The following CDH22 variants were observed in gnomAD, a reference collection of about 807,000 sequenced individuals.
The protein encoded by CDH22 is cadherin 22, also known as cadherin-22.
Under a neutral mutation model 58.4 loss-of-function variants are expected in CDH22, and 30 were observed. The ratio of observed to expected loss-of-function variants is 0.51; its 90% CI spans 0.38 to 0.70. CDH22 has a LOEUF of 0.70. Among genes scored for constraint, CDH22 ranks in the 30% least tolerant of loss-of-function variants. The pLI is 0.00. For synonymous variants in CDH22, 513 were observed against 558.2 expected (o/e 0.92, Z 1.14); for missense variants, 1,014 against 1,233.9 (o/e 0.82, Z 2.67).
In CDH22 at chr20:46,174,824, C is replaced by T. The variant is rs1170127549; in HGVS notation, c.2169G>A (p.Gln723=). The change falls in exon 12 of 12, where the codon CAG becomes CAA. Residue 723 remains glutamine, a synonymous_variant. Transcript: ENST00000537909. The surrounding 1 kb of genome is among the most constrained non-coding windows in gnomAD (Gnocchi z 4.4). ...GSGGGAGSPP[Q]AHLPSERHSL... is the part of the protein sequence containing the mutation. Reference sequence around the variant, plus strand: ...AGTGGCGCTCGGAGGGCAGGTGGGCCTGCGGGGGGCTGCCCGCGCCCCCGC... The same window carrying T: ...AGTGGCGCTCGGAGGGCAGGTGGGCTTGCGGGGGGCTGCCCGCGCCCCCGC... The T allele has an allele frequency of 7.0e-7, 1 of 1,430,588 alleles. No homozygotes were observed. Among genetic ancestry groups the T allele is most frequent in the Non-Finnish European group, 9.1e-7 (1 of 1,093,570 alleles). The allele number at this position is 1,430,588 out of a possible 1,614,324, so 88.6% of individuals were successfully genotyped here. A position where few individuals can be genotyped will look rare whatever the true frequency, so the allele number is the denominator to read the frequency against.
At chr20:46,186,031 G>A (rs140895120) in intron 10 of CDH22, among the ~76,000 whole-genome samples, 289 of 151,908 alleles carry the variant, frequency 1.9e-3, no homozygotes, top group African/African-American at 6.6e-3. Context: ...TGGGCAATAC[G>A]GCAAAAATCC....
chr20:46,190,307 G>A (rs539814843), intron 8 of CDH22, among the ~76,000 whole-genome samples: 18 of 152,376 alleles, frequency 1.2e-4, no homozygotes, highest in African/African-American at 3.8e-4. Flanking sequence ...AGGGGCAGGA[G>A]TTTCCCCACA....
intron 8 of CDH22, among the ~76,000 whole-genome samples, chr20:46,188,053 G>A (rs2085839272): frequency 6.6e-6 from 1 of 152,170 alleles, no homozygotes; most frequent in Non-Finnish European, 1.5e-5. Context: ...CATGGTCCCT[G>A]TCTTATTTAT....
At chr20:46,198,090 G>A (rs2085921255) in intron 8 of CDH22, among the ~76,000 whole-genome samples, 1 of 152,122 alleles carries the variant, frequency 6.6e-6, no homozygotes, top group African/African-American at 2.4e-5. Flanking sequence ...ATGGGGTAGA[G>A]AAGCTGGGAA....
intron 1 of CDH22, among the ~76,000 whole-genome samples, chr20:46,288,962 T>C (rs991604592): frequency 2.0e-5 from 3 of 152,310 alleles, no homozygotes; most frequent in South Asian, 2.1e-4. Flanking sequence ...TAACACTCCT[T>C]CTCTCAAAAT....
chr20:46,233,127 GA>G (rs1349522001), intron 3 of CDH22, among the ~76,000 whole-genome samples: 1 of 152,208 alleles, frequency 6.6e-6, no homozygotes, highest in East Asian at 1.9e-4. Context: ...GGAGCAGGAA[GA>G]GGGGGCAGAG....
Position 46,248,383 on chromosome 20 carries a change from G to A in CDH22, c.255+2657C>T, listed in dbSNP as rs1242169866. ...AGTGCCTGGGATGACCACCTCCTCT[G>A]ACATTTAGGCAGATGCATCAGTCCT... is the stretch of plus-strand genomic sequence containing the variant. On this transcript the variant is annotated intron_variant, in intron 2 of 11. Transcript: ENST00000537909. Among the ~76,000 whole-genome samples the A allele has an allele frequency of 2.0e-5, 3 of 152,204 alleles. No homozygotes were observed. In the East Asian group the frequency reaches 5.8e-4, roughly 29 times the overall value.
intron 1 of CDH22, among the ~76,000 whole-genome samples, chr20:46,281,980 T>C (rs997926080): frequency 3.3e-5 from 5 of 152,254 alleles, no homozygotes; most frequent in Non-Finnish European, 7.3e-5. Flanking sequence ...GGAATGAAAG[T>C]ATCTTACCGA....
At chr20:46,223,061 G>A (rs1300778820) in intron 4 of CDH22, among the ~76,000 whole-genome samples, 2 of 152,230 alleles carry the variant, frequency 1.3e-5, no homozygotes, top group African/African-American at 2.4e-5. Flanking sequence ...TTCCTGGGAC[G>A]TGCCAGAAAG....
chr20:46,307,310 C>G (rs1368966020), intron 1 of CDH22, among the ~76,000 whole-genome samples: 4 of 152,196 alleles, frequency 2.6e-5, no homozygotes, highest in African/African-American at 9.6e-5. Context: ...GGACAGGGCC[C>G]GACGTTGCCA....
chr20:46,276,449 T>G (rs564482322), intron 1 of CDH22, among the ~76,000 whole-genome samples: 12 of 152,254 alleles, frequency 7.9e-5, no homozygotes, highest in African/African-American at 2.9e-4. Flanking sequence ...GGCGATTGAT[T>G]GGATGTAGGT....
intron 1 of CDH22, among the ~76,000 whole-genome samples, chr20:46,288,666 G>C (rs1426278493): frequency 6.6e-6 from 1 of 152,140 alleles, no homozygotes; most frequent in Non-Finnish European, 1.5e-5. Context: ...GCATTCCCCA[G>C]TTCGGTAACT....
At chr20:46,195,952 T>C (rs1025673707) in intron 8 of CDH22, among the ~76,000 whole-genome samples, 3 of 152,180 alleles carry the variant, frequency 2.0e-5, no homozygotes, top group Non-Finnish European at 4.4e-5. Context: ...TCTTGTCACC[T>C]CATGTTTATT....
At chr20:46,248,972 A>C (rs1258463090) in intron 2 of CDH22, among the ~76,000 whole-genome samples, 1 of 152,220 alleles carries the variant, frequency 6.6e-6, no homozygotes, top group East Asian at 1.9e-4. Context: ...CTTGCAGTTT[A>C]AGGGTTAAGT....
At chr20:46,204,368 G>T (rs2085982958) in intron 7 of CDH22, among the ~76,000 whole-genome samples, 1 of 147,098 alleles carries the variant, frequency 6.8e-6, no homozygotes, top group Non-Finnish European at 1.5e-5. Context: ...CACTCTGGCT[G>T]GGGAGATAGT....
At chr20:46,292,521 C>T (rs780957143) in intron 1 of CDH22, among the ~76,000 whole-genome samples, 26 of 152,302 alleles carry the variant, frequency 1.7e-4, no homozygotes, top group African/African-American at 4.1e-4. Flanking sequence ...GAATCGCAAA[C>T]GCCCAACTAA....
At chr20:46,188,357 T>C (rs2145656757) in intron 8 of CDH22, among the ~76,000 whole-genome samples, 1 of 152,344 alleles carries the variant, frequency 6.6e-6, no homozygotes, top group South Asian at 2.1e-4. Context: ...TTGACCTCCC[T>C]GTGCCTCAAT....
At chr20:46,223,701 CTT>C (rs1223809306) in intron 4 of CDH22, among the ~76,000 whole-genome samples, 44 of 62,326 alleles carry the variant, frequency 7.1e-4, no homozygotes, top group Non-Finnish European at 1.0e-3. Context: ...TTCTTTCTTT[CTT>C]TCTTTCTTTC....
intron 1 of CDH22, among the ~76,000 whole-genome samples, chr20:46,268,157 C>T (rs931186646): frequency 2.6e-5 from 4 of 152,356 alleles, no homozygotes; most frequent in Non-Finnish European, 4.4e-5. Flanking sequence ...GGGTCAAAAC[C>T]GTCCTGGGTG....
Sources: allele counts gnomAD v4.1 joint callset (sites outside exome capture counted in the v4.1 genomes callset), GRCh38; gene constraint gnomAD v4.1.1; non-coding constraint Gnocchi (gnomAD v3.1); transcripts MANE v1.5; gene names NCBI Gene and HGNC (gene_info 2026-07-23, HGNC 2026-07-21).